C3orf33: variants seen among roughly 807,000 people sequenced by gnomAD.
C3orf33 encodes AP-1 activity suppressor.
A neutral mutation model predicts 28.7 loss-of-function variants in C3orf33; 23 were observed. The observed-to-expected ratio is 0.80, with a 90% CI of 0.58 to 1.13. The LOEUF (loss-of-function observed/expected upper bound fraction) is 1.13. C3orf33 is among the 50% of genes most tolerant of loss of function. The pLI, the probability that C3orf33 is intolerant of heterozygous loss-of-function variation, is 0.00. For synonymous variants in C3orf33, 119 were observed against 120.5 expected (o/e 0.99, Z 0.08); for missense variants, 327 against 353.4 (o/e 0.93, Z 0.60).
At chr3:155,769,519 G>A (rs1318320713) in intron 3 of C3orf33, among the ~76,000 whole-genome samples, 3 of 150,346 alleles carry the variant, frequency 2.0e-5, no homozygotes, top group African/African-American at 7.3e-5. Context: ...AGAAGAAAAA[G>A]GTATTTGTAG....
chr3:155,765,083 C>T (rs754004871), intron 4 of C3orf33, among the ~76,000 whole-genome samples: 4 of 152,170 alleles, frequency 2.6e-5, no homozygotes, highest in African/African-American at 4.8e-5. Context: ...CCACCTCACA[C>T]GTTAGCAAAA....
intron 2 of C3orf33, among the ~76,000 whole-genome samples, chr3:155,795,902 G>C (rs1751462969): frequency 6.6e-6 from 1 of 151,982 alleles, no homozygotes; most frequent in South Asian, 2.1e-4. Context: ...GTTGCAGTGA[G>C]CCAAGATCAT....
At position 155,767,602 on chromosome 3, in the gene C3orf33, C is replaced by G. The variant is rs750333331; in HGVS notation, c.390G>C (p.Trp130Cys). The G allele has an allele frequency of 8.8e-6, 14 of 1,593,158 alleles. No individual in the cohort carries two copies. In the Admixed American group the frequency reaches 2.2e-4, roughly 25 times the overall value. The change falls in exon 4 of 5, where the codon TGG (tryptophan) becomes TGC (cysteine). Residue 130 changes from tryptophan (W) to cysteine (C), a missense_variant. Transcript: ENST00000340171. Reference protein sequence around the residue: ...GVELAETGKAWLQKELKPSQL... With the variant: ...GVELAETGKACLQKELKPSQL... ...GGGAAGGTTTTAGCTCTTTTTGTAA[C>G]CATGCCTTCCCAGTTTCAGCGAGTT...
Position 155,763,817 on chromosome 3 carries a change from C to A in C3orf33, c.585G>T (p.Trp195Cys). 1 of 1,594,020 alleles carries A rather than the reference C, an allele frequency of 6.3e-7. No individual in the cohort carries two copies. Among genetic ancestry groups the A allele is most frequent in the South Asian group, 1.2e-5 (1 of 86,082 alleles). Residue 195 changes from tryptophan to cysteine, a missense_variant, in exon 5 of 5, where the codon TGG (tryptophan) becomes TGT (cysteine). Trp to Cys is a radical substitution (Grantham distance 215). Transcript: ENST00000340171. Reference sequence around the variant, plus strand: ...CTTTAAGTAAGTTTCTGTGAACTGTCCAGTAGATTTTAGAATCATATTTAA... The same window carrying A: ...CTTTAAGTAAGTTTCTGTGAACTGTACAGTAGATTTTAGAATCATATTTAA... ...KGLKYDSKIY[W>C]TVHRNLLKAE...
Position 155,806,239 on chromosome 3 carries a change from G to A in C3orf33, c.14C>T (p.Pro5Leu), listed in dbSNP as rs1157118429. 4 of 1,463,976 alleles carry A rather than the reference G, an allele frequency of 2.7e-6. No homozygotes were observed. The highest frequency in any genetic ancestry group is 5.4e-5 in the East Asian group (2 of 36,938). 90.7% of individuals were successfully genotyped at this position (1,463,976 alleles called of 1,614,324 possible). A position where few individuals can be genotyped will look rare whatever the true frequency, so the allele number is the denominator to read the frequency against. The change falls in exon 1 of 5, where the codon CCC (proline) becomes CTC (leucine). Residue 5 changes from proline (P) to leucine (L), a missense_variant. Transcript: ENST00000340171. MAGQPAATGSPSADK... is the reference protein window; with the variant it reads MAGQLAATGSPSADK... ...GGCAGACGGCGAGCCGGTGGCCGCG[G>A]GCTGCCCCGCCATGTTCCCGGCCTC...
chr3:155,805,532 C>A, intron 1 of C3orf33: 1 of 447,042 alleles, frequency 2.2e-6, no homozygotes, highest in South Asian at 1.6e-5. Flanking sequence ...ACAGCCTGGA[C>A]AACATAGCAA....
rs776314192 is a variant in C3orf33, at chr3:155,763,673, T to TA, written c.728dup (p.Leu243PhefsTer17). The TA allele has an allele frequency of 6.9e-6, 11 of 1,595,048 alleles. No homozygotes were observed. The African/African-American group carries it at 1.2e-4, about 18-fold the overall frequency. ...AGCTGAAATCTGATCCTGTTGTTTT[T>TA]AAAAAACTGTCCTTTTTCCATATTT... is the stretch of plus-strand genomic sequence containing the variant. On this transcript the variant is annotated frameshift_variant, in exon 5 of 5. Coordinates refer to ENST00000340171, the MANE Select transcript of C3orf33 (RefSeq NM_001308229.2). LOFTEE classifies it high-confidence loss of function.
chr3:155,766,625 T>G (rs1750409195), intron 4 of C3orf33, among the ~76,000 whole-genome samples: 1 of 152,250 alleles, frequency 6.6e-6, no homozygotes, highest in African/African-American at 2.4e-5. Context: ...ATAATGATAC[T>G]GCCTAAATTA....
intron 4 of C3orf33, among the ~76,000 whole-genome samples, chr3:155,765,537 TG>T (rs1251353598): frequency 6.6e-6 from 1 of 152,132 alleles, no homozygotes; most frequent in Non-Finnish European, 1.5e-5. Flanking sequence ...TTACTTTTTT[TG>T]TTTTGTATTG....
At chr3:155,805,308 A>G (rs1048394101) in intron 1 of C3orf33, among the ~76,000 whole-genome samples, 5 of 144,284 alleles carry the variant, frequency 3.5e-5, no homozygotes, top group African/African-American at 1.3e-4. Context: ...ACAAACAAAA[A>G]ACAAATTAGC....
chr3:155,776,759 C>CA (rs10654812), intron 2 of C3orf33, among the ~76,000 whole-genome samples: 28,368 of 85,176 alleles, frequency 0.33, 6,631 homozygotes, highest in Non-Finnish European at 0.46. Context: ...CTGACTCTGT[C>CA]AAAAAAAAAA....
At chr3:155,797,442 A>G (rs1751507162) in intron 2 of C3orf33, among the ~76,000 whole-genome samples, 1 of 152,212 alleles carries the variant, frequency 6.6e-6, no homozygotes, top group Non-Finnish European at 1.5e-5. Flanking sequence ...ATATAGTATT[A>G]GAAGTCCTAG....
intron 2 of C3orf33, among the ~76,000 whole-genome samples, chr3:155,796,750 A>T (rs942948248): frequency 3.3e-5 from 5 of 152,368 alleles, no homozygotes; most frequent in African/African-American, 9.6e-5. Flanking sequence ...TCCCTGATGA[A>T]CATTAATGCA....
intron 2 of C3orf33, among the ~76,000 whole-genome samples, chr3:155,788,507 A>C (rs1004818756): frequency 2.0e-5 from 3 of 151,892 alleles, no homozygotes; most frequent in Non-Finnish European, 4.4e-5. Context: ...ACATAGTGAA[A>C]CCCTGTCTCT....
At chr3:155,774,110 GAATTA>G (rs1281945749) in intron 3 of C3orf33, among the ~76,000 whole-genome samples, 2 of 152,076 alleles carry the variant, frequency 1.3e-5, no homozygotes, top group Non-Finnish European at 1.5e-5. Context: ...GCCATAAATA[GAATTA>G]AATTAATTCA....
intron 1 of C3orf33, among the ~76,000 whole-genome samples, chr3:155,805,017 C>T (rs1436613842): frequency 1.3e-5 from 2 of 152,170 alleles, no homozygotes; most frequent in African/African-American, 4.8e-5. Flanking sequence ...CTATTACCAG[C>T]CTCCTTGGAC....
intron 3 of C3orf33, among the ~76,000 whole-genome samples, chr3:155,771,224 G>A (rs1750582251): frequency 1.3e-5 from 2 of 152,030 alleles, no homozygotes; most frequent in African/African-American, 4.8e-5. Flanking sequence ...TCCCATATCA[G>A]CCTCGCAAGT....
intron 2 of C3orf33, among the ~76,000 whole-genome samples, chr3:155,795,325 G>T (rs1245435611): frequency 6.6e-6 from 1 of 152,046 alleles, no homozygotes; most frequent in Admixed American, 6.6e-5. Context: ...ACGTGGTGGT[G>T]CATGCCTGTA....
At chr3:155,769,451 G>A (rs1437834598) in intron 3 of C3orf33, among the ~76,000 whole-genome samples, 3 of 144,824 alleles carry the variant, frequency 2.1e-5, no homozygotes, top group African/African-American at 7.9e-5. Flanking sequence ...TCGCACCACT[G>A]CACTCCAGCC....
Sources: gnomAD v4.1 joint callset for allele counts (sites outside exome capture counted in the v4.1 genomes callset) on GRCh38, gnomAD v4.1.1 for gene constraint, MANE v1.5 for transcripts, NCBI Gene and HGNC (gene_info 2026-07-23, HGNC 2026-07-21) for gene names.